The following DLG2 variants were observed in gnomAD, a reference collection of about 807,000 sequenced individuals.
DLG2 encodes the protein disks large homolog 2.
A neutral mutation model predicts 132.5 loss-of-function variants in DLG2; 45 were observed. The ratio of observed to expected loss-of-function variants is 0.34; its 90% CI spans 0.27 to 0.44. DLG2 has a LOEUF of 0.44. Ranked by LOEUF, DLG2 falls within the 20% of genes least tolerant of loss-of-function variation. The probability of loss-of-function intolerance (pLI) is 1.00; values close to 1 mark genes in which losing one functional copy is unlikely to be tolerated. For synonymous variants in DLG2, 424 were observed against 419.6 expected (o/e 1.01, Z -0.13); for missense variants, 1,045 against 1,196.9 (o/e 0.87, Z 1.87).
At chr11:84,533,880 C>A (rs1191219498) in intron 7 of DLG2, among the ~76,000 whole-genome samples, 1 of 104,250 alleles carries the variant, frequency 9.6e-6, no homozygotes, top group African/African-American at 3.7e-5. Context: ...ATCCCAAACA[C>A]AAAATCCAGT....
intron 7 of DLG2, among the ~76,000 whole-genome samples, chr11:84,473,217 G>T (rs929497911): frequency 6.6e-6 from 1 of 151,956 alleles, no homozygotes; most frequent in Admixed American, 6.6e-5. Flanking sequence ...ATGAAGGGGG[G>T]GTTTCTCTAA....
At chr11:83,834,598 T>C (rs946111927) in intron 16 of DLG2, among the ~76,000 whole-genome samples, 4 of 151,918 alleles carry the variant, frequency 2.6e-5, no homozygotes, top group African/African-American at 9.7e-5. Flanking sequence ...TTCCAGGAAA[T>C]AGTGAGATAT....
At chr11:83,764,895 G>A (rs772636167) in intron 18 of DLG2, among the ~76,000 whole-genome samples, 4 of 152,164 alleles carry the variant, frequency 2.6e-5, no homozygotes. Flanking sequence ...GACAAACTCG[G>A]CTCTCAGGCT....
At chr11:84,988,965 G>C (rs187293101) in intron 6 of DLG2, among the ~76,000 whole-genome samples, 56 of 152,112 alleles carry the variant, frequency 3.7e-4, no homozygotes, top group African/African-American at 1.3e-3. Context: ...GAAAATCCTA[G>C]TGTATAAAAA....
At chr11:84,908,423 G>T (rs189116786) in intron 6 of DLG2, among the ~76,000 whole-genome samples, 1 of 152,042 alleles carries the variant, frequency 6.6e-6, no homozygotes, top group Middle Eastern at 3.2e-3. Flanking sequence ...GTGTCCAGTC[G>T]TTACTCTATC....
chr11:85,356,874 G>A (rs1434360122), intron 3 of DLG2, among the ~76,000 whole-genome samples: 1 of 152,030 alleles, frequency 6.6e-6, no homozygotes, highest in African/African-American at 2.4e-5. Flanking sequence ...AGTGAAAATT[G>A]TTTCACTTAT....
intron 21 of DLG2, among the ~76,000 whole-genome samples, chr11:83,520,211 T>C (rs1408055176): frequency 1.3e-5 from 2 of 152,264 alleles, no homozygotes; most frequent in African/African-American, 2.4e-5. Context: ...CTTTCACTTA[T>C]ATTGACAAGT....
intron 21 of DLG2, among the ~76,000 whole-genome samples, chr11:83,522,717 G>A (rs1321397652): frequency 6.6e-6 from 1 of 151,658 alleles, no homozygotes; most frequent in East Asian, 1.9e-4. Context: ...TATTATTATA[G>A]TTGAAAAATC....
intron 17 of DLG2, among the ~76,000 whole-genome samples, chr11:83,788,449 C>T (rs927072904): frequency 1.2e-4 from 18 of 152,220 alleles, no homozygotes; most frequent in African/African-American, 4.3e-4. Flanking sequence ...CTACCTGAGA[C>T]TCAATTTTCT....
At chr11:85,441,354 C>T (rs753887961) in intron 3 of DLG2, among the ~76,000 whole-genome samples, 22 of 152,096 alleles carry the variant, frequency 1.4e-4, no homozygotes, top group Non-Finnish European at 2.9e-4. Context: ...TAACTCCTCC[C>T]TCTTCATAAC....
At chr11:85,552,115 G>T (rs1228915283) in intron 3 of DLG2, among the ~76,000 whole-genome samples, 1 of 147,002 alleles carries the variant, frequency 6.8e-6, no homozygotes, top group Admixed American at 6.8e-5. Context: ...AAAAAAAAAG[G>T]CTTCAGCATG....
intron 7 of DLG2, among the ~76,000 whole-genome samples, chr11:84,425,781 G>GC (rs1481789937): frequency 6.6e-6 from 1 of 152,078 alleles, no homozygotes; most frequent in Admixed American, 6.6e-5. Context: ...GAAGATATTT[G>GC]CCTCTGAAGA....
rs563305927 is a variant in DLG2, at chr11:85,454,671, C to T, written c.40+143986G>A. 8.5e-4 allele frequency among the ~76,000 whole-genome samples: 130 copies of T among 152,128 alleles called. 2 individuals are homozygous for T. The highest frequency in any genetic ancestry group is 7.5e-3 in the South Asian group (36 of 4,824). On this transcript the variant is annotated intron_variant, in intron 3 of 27. Coordinates refer to ENST00000376104, the MANE Select transcript of DLG2 (RefSeq NM_001142699.3). ...AGAGTTTTTATAGTTTTAGGTTTTA[C>T]GTTTAAGTCTTTAATACATCTTCAG... is the stretch of plus-strand genomic sequence containing the variant.
intron 9 of DLG2, among the ~76,000 whole-genome samples, chr11:84,107,549 T>A (rs2093051703): frequency 1.3e-5 from 2 of 152,154 alleles, no homozygotes; most frequent in Non-Finnish European, 2.9e-5. Context: ...CACATGCACA[T>A]ACACACACAT....
chr11:83,709,280 CATATATGTACATATAT>C (rs1320838247), intron 18 of DLG2, among the ~76,000 whole-genome samples: 2 of 146,098 alleles, frequency 1.4e-5, no homozygotes, highest in East Asian at 4.0e-4. Flanking sequence ...TGTATATATA[CATATATGTACATATAT>C]ACATATACGT....
chr11:84,983,299 C>T (rs541273341), intron 6 of DLG2, among the ~76,000 whole-genome samples: 8 of 152,122 alleles, frequency 5.3e-5, no homozygotes, highest in South Asian at 2.1e-4. Context: ...GACCCACAGA[C>T]GGTTCACATC....
At chr11:85,125,262 C>T (rs1370921961) in intron 5 of DLG2, among the ~76,000 whole-genome samples, 1 of 152,160 alleles carries the variant, frequency 6.6e-6, no homozygotes, top group Non-Finnish European at 1.5e-5. Flanking sequence ...CTCTCAGTCT[C>T]ATAGCTCTTC....
At chr11:84,255,102 G>A (rs1383283880) in intron 7 of DLG2, among the ~76,000 whole-genome samples, 1 of 152,104 alleles carries the variant, frequency 6.6e-6, no homozygotes, top group Admixed American at 6.5e-5. Flanking sequence ...TGAATTCTGA[G>A]CATGGCCTAT....
chr11:84,844,125 GTGTGTGTGTGTATA>G (rs1171299002), intron 6 of DLG2, among the ~76,000 whole-genome samples: 2,527 of 33,668 alleles, frequency 0.075, 31 homozygotes, highest in Non-Finnish European at 0.12. Flanking sequence ...GTGTGTGTGT[GTGTGTGTGTGTATA>G]TATATATATA....
Sources: gnomAD v4.1 joint callset for allele counts (sites outside exome capture counted in the v4.1 genomes callset) on GRCh38, gnomAD v4.1.1 for gene constraint, MANE v1.5 for transcripts, NCBI Gene and HGNC (gene_info 2026-07-23, HGNC 2026-07-21) for gene names.